The following ADGRV1 variants were observed in gnomAD, a reference collection of about 807,000 sequenced individuals.
ADGRV1 encodes the protein adhesion G protein-coupled receptor V1.
Under a neutral mutation model 596.2 loss-of-function variants are expected in ADGRV1, and 359 were observed. The observed-to-expected ratio is 0.60, with a 90% confidence interval of 0.55 to 0.66. The LOEUF is 0.66. Among genes scored for constraint, ADGRV1 ranks in the 30% least tolerant of loss-of-function variants. The pLI, the probability that ADGRV1 is intolerant of heterozygous loss-of-function variation, is 0.00. For missense variants in ADGRV1, 7,274 were observed against 7,575.6 expected, an observed-to-expected ratio of 0.96 and a Z score of 1.48; for synonymous variants, 2,681 against 2,679.2, an observed-to-expected ratio of 1.00 and a Z score of -0.02.
In ADGRV1 at chr5:90,703,688, A is replaced by T. The variant is rs1748201828; in HGVS notation, c.8179A>T (p.Ile2727Leu). Residue 2727 changes from isoleucine to leucine, a missense_variant, in exon 35 of 90, where the codon ATA becomes TTA. Ile to Leu is a conservative substitution (Grantham distance 5). Coordinates refer to ENST00000405460, the MANE Select transcript of ADGRV1 (RefSeq NM_032119.4). ...HEGEILQFHV[I>L]RTFPGRGNVT... ...AGGAGAAATTTTACAATTCCATGTG[A>T]TAAGAACTTTCCCTGGTCGAGGAAA... The T allele has an allele frequency of 6.2e-7, 1 of 1,603,432 alleles. No individual in the cohort carries two copies. Among genetic ancestry groups the T allele is most frequent in the Admixed American group, 1.7e-5 (1 of 59,214 alleles).
intron 29 of ADGRV1, among the ~76,000 whole-genome samples, chr5:90,686,247 G>T (rs939923793): frequency 6.6e-6 from 1 of 151,136 alleles, no homozygotes; most frequent in Non-Finnish European, 1.5e-5. Context: ...AAGTTTTAGG[G>T]TACATGTGCA....
chr5:91,022,309 TG>T (rs2151190687), intron 85 of ADGRV1, among the ~76,000 whole-genome samples: 1 of 152,156 alleles, frequency 6.6e-6, no homozygotes, highest in South Asian at 2.1e-4. Flanking sequence ...ACCTAGTATT[TG>T]TGCTAAATCC....
chr5:91,042,928 G>A (rs992384471), intron 85 of ADGRV1, among the ~76,000 whole-genome samples: 2 of 151,934 alleles, frequency 1.3e-5, no homozygotes, highest in African/African-American at 2.4e-5. Flanking sequence ...TTAATTTCTG[G>A]GTGTTTTTTT....
intron 21 of ADGRV1, among the ~76,000 whole-genome samples, chr5:90,664,094 G>A (rs1263930022): frequency 1.6e-4 from 23 of 146,324 alleles, no homozygotes; most frequent in East Asian, 2.0e-4. Context: ...TTGGCGATGC[G>A]GGCTCTTTTT....
At chr5:90,568,380 A>T (rs1755932782) in intron 1 of ADGRV1, among the ~76,000 whole-genome samples, 1 of 151,974 alleles carries the variant, frequency 6.6e-6, no homozygotes, top group South Asian at 2.1e-4. Context: ...TCCTTTGGTC[A>T]TTTAGGAGTG....
At chr5:90,901,334 G>A (rs1182419555) in intron 83 of ADGRV1, among the ~76,000 whole-genome samples, 1 of 152,106 alleles carries the variant, frequency 6.6e-6, no homozygotes, top group Non-Finnish European at 1.5e-5. Context: ...GAGTTGTCAG[G>A]CCAACTTCAA....
At chr5:90,816,861 G>T (rs370685022) in intron 75 of ADGRV1, among the ~76,000 whole-genome samples, 1 of 151,752 alleles carries the variant, frequency 6.6e-6, no homozygotes, top group African/African-American at 2.4e-5. Flanking sequence ...GAATAGTGCC[G>T]CAATAAACAT....
intron 85 of ADGRV1, among the ~76,000 whole-genome samples, chr5:90,993,930 T>C (rs1174956845): frequency 6.6e-6 from 1 of 152,110 alleles, no homozygotes; most frequent in Non-Finnish European, 1.5e-5. Flanking sequence ...TTTTTTTTTC[T>C]GTTCCTCAGA....
Position 90,660,728 on chromosome 5 carries a change from A to T in ADGRV1, c.4752+2450A>T, listed in dbSNP as rs564047140. Reference sequence around the variant, plus strand: ...TCTATTTTAAATTGAAATAAAAATTAAAAAAATTTAAAATAGGCCTTCTGA... The same window carrying T: ...TCTATTTTAAATTGAAATAAAAATTTAAAAAATTTAAAATAGGCCTTCTGA... On this transcript the variant is annotated intron_variant, in intron 21 of 89. Coordinates refer to ENST00000405460, the MANE Select transcript of ADGRV1 (RefSeq NM_032119.4). Among the ~76,000 whole-genome samples the T allele has an allele frequency of 1.7e-3, 266 of 152,320 alleles. 3 individuals are homozygous for T. Among genetic ancestry groups the T allele is most frequent in the African/African-American group, 5.4e-3 (225 of 41,572 alleles).
At chr5:90,875,705 A>C (rs1358713682) in intron 83 of ADGRV1, among the ~76,000 whole-genome samples, 1 of 152,202 alleles carries the variant, frequency 6.6e-6, no homozygotes, top group Non-Finnish European at 1.5e-5. Context: ...CAGAGTGTGC[A>C]AAGAGAATTG....
chr5:90,973,988 A>G (rs1779312280), intron 84 of ADGRV1, among the ~76,000 whole-genome samples: 1 of 152,252 alleles, frequency 6.6e-6, no homozygotes, highest in African/African-American at 2.4e-5. Context: ...GCTGATAAGC[A>G]ACTTCAGCAA....
chr5:90,776,756 AC>A (rs746607318), intron 61 of ADGRV1, among the ~76,000 whole-genome samples, 180 bp downstream of exon 61: 19 of 152,144 alleles, frequency 1.2e-4, no homozygotes, highest in Non-Finnish European at 2.4e-4. Flanking sequence ...TAATATCCTG[AC>A]CTATCTTGAT....
chr5:90,702,530 T>C (rs1748036927), intron 34 of ADGRV1, among the ~76,000 whole-genome samples: 1 of 151,980 alleles, frequency 6.6e-6, no homozygotes. Flanking sequence ...TCTAAATTAA[T>C]TAATTCATGA....
chr5:91,033,323 A>C (rs1352877400), intron 85 of ADGRV1, among the ~76,000 whole-genome samples: 2 of 152,132 alleles, frequency 1.3e-5, no homozygotes, highest in African/African-American at 4.8e-5. Flanking sequence ...AGAGTTTTCT[A>C]TAGGAATTCC....
At chr5:90,607,135 G>C (rs257847) in intron 1 of ADGRV1, among the ~76,000 whole-genome samples, 1 of 151,952 alleles carries the variant, frequency 6.6e-6, no homozygotes, top group South Asian at 2.1e-4. Context: ...AGAGGAAACA[G>C]TTGCAACTCA....
At chr5:90,629,738 T>TTGGCCGGGCGCGGTGGCTC in intron 9 of ADGRV1, 199 bp downstream of exon 9, 1 of 429,600 alleles carries the variant, frequency 2.3e-6, no homozygotes, top group Non-Finnish European at 4.1e-6. Flanking sequence ...CAAGAATTTT[T>TTGGCCGGGCGCGGTGGCTC]ACCAAAGTTA....
intron 83 of ADGRV1, among the ~76,000 whole-genome samples, chr5:90,936,170 A>G (rs1775669098): frequency 1.3e-5 from 2 of 152,036 alleles, no homozygotes; most frequent in Non-Finnish European, 2.9e-5. Flanking sequence ...TATTCTTCCA[A>G]TCTTCTTGAT....
intron 84 of ADGRV1, among the ~76,000 whole-genome samples, chr5:90,980,969 C>T (rs1780030382): frequency 6.6e-6 from 1 of 152,128 alleles, no homozygotes; most frequent in Non-Finnish European, 1.5e-5. Flanking sequence ...CTTGGTTACT[C>T]TCTGTGAGAT....
At chr5:90,869,994 C>T (rs1288726858) in intron 83 of ADGRV1, among the ~76,000 whole-genome samples, 1 of 152,090 alleles carries the variant, frequency 6.6e-6, no homozygotes, top group East Asian at 1.9e-4. Context: ...TTTAAGGTGA[C>T]TGTGAAACTA....
Sources: allele counts gnomAD v4.1 joint callset (sites outside exome capture counted in the v4.1 genomes callset), GRCh38; gene constraint gnomAD v4.1.1; transcripts MANE v1.5; gene names NCBI Gene and HGNC (gene_info 2026-07-23, HGNC 2026-07-21).